Variants in NKAIN2 observed in about 807,000 individuals in gnomAD.
NKAIN2 encodes sodium/potassium-transporting ATPase subunit beta-1-interacting protein 2.
Under a neutral mutation model 32.6 loss-of-function variants are expected in NKAIN2, and 14 were observed. The ratio of observed to expected loss-of-function variants is 0.43; its 90% CI spans 0.28 to 0.67. The LOEUF is 0.67. Ranked by LOEUF, NKAIN2 falls within the 30% of genes least tolerant of loss-of-function variation. The pLI is 0.17. For synonymous variants in NKAIN2, 80 were observed against 87.2 expected (o/e 0.92, Z 0.46); for missense variants, 198 against 258.3 (o/e 0.77, Z 1.60).
chr6:124,138,189 A>T (rs1269168948), intron 1 of NKAIN2, among the ~76,000 whole-genome samples: 1 of 152,190 alleles, frequency 6.6e-6, no homozygotes, highest in South Asian at 2.1e-4. Flanking sequence ...GTGAATAGAC[A>T]GTTCTCAAAA....
At chr6:123,930,264 G>T (rs1404855287) in intron 1 of NKAIN2, among the ~76,000 whole-genome samples, 8 of 152,096 alleles carry the variant, frequency 5.3e-5, no homozygotes. Flanking sequence ...TCCATTTTCA[G>T]CTAGAGTTGT....
At chr6:124,311,592 C>T (rs527897070) in intron 2 of NKAIN2, among the ~76,000 whole-genome samples, 138 of 152,036 alleles carry the variant, frequency 9.1e-4, no homozygotes, top group Non-Finnish European at 1.5e-3. Context: ...TATGTGAAAA[C>T]AAATGTAAGC....
chr6:124,633,779 C>A (rs138790916), intron 3 of NKAIN2, among the ~76,000 whole-genome samples: 1 of 152,176 alleles, frequency 6.6e-6, no homozygotes, highest in Non-Finnish European at 1.5e-5. Context: ...ACTGATGGCA[C>A]CTAGAGCCCG....
intron 1 of NKAIN2, among the ~76,000 whole-genome samples, chr6:124,204,304 T>C (rs2114635843): frequency 6.6e-6 from 1 of 151,896 alleles, no homozygotes; most frequent in African/African-American, 2.4e-5. Flanking sequence ...AGGAATAAAT[T>C]AGACAAAGAT....
intron 1 of NKAIN2, among the ~76,000 whole-genome samples, chr6:124,039,066 T>C (rs1485305177): frequency 1.3e-5 from 2 of 152,126 alleles, no homozygotes; most frequent in African/African-American, 4.8e-5. Flanking sequence ...TTACATAGGA[T>C]CTTTTTAACA....
At chr6:123,880,202 A>G (rs1773384688) in intron 1 of NKAIN2, among the ~76,000 whole-genome samples, 1 of 152,146 alleles carries the variant, frequency 6.6e-6, no homozygotes, top group Admixed American at 6.5e-5. Flanking sequence ...TAAAGCAGGA[A>G]AGTAGGGATC....
chr6:124,135,135 T>C (rs1582711287), intron 1 of NKAIN2, among the ~76,000 whole-genome samples: 1 of 151,912 alleles, frequency 6.6e-6, no homozygotes, highest in Admixed American at 6.6e-5. Flanking sequence ...GTTCTAAATC[T>C]TGAAACAAAA....
At chr6:124,077,613 T>C (rs1783753249) in intron 1 of NKAIN2, among the ~76,000 whole-genome samples, 1 of 152,176 alleles carries the variant, frequency 6.6e-6, no homozygotes, top group African/African-American at 2.4e-5. Context: ...TGAATTGCCA[T>C]ATGCCAAATT....
At chr6:124,393,817 T>C (rs941595531) in intron 3 of NKAIN2, among the ~76,000 whole-genome samples, 1 of 152,194 alleles carries the variant, frequency 6.6e-6, no homozygotes, top group Non-Finnish European at 1.5e-5. Context: ...GCATGCGCAT[T>C]ATATGCCACT....
chr6:124,075,589 C>CTTTA (rs1160430734), intron 1 of NKAIN2, among the ~76,000 whole-genome samples: 41 of 152,004 alleles, frequency 2.7e-4, no homozygotes, highest in African/African-American at 5.8e-4. Context: ...AAGTATGTTA[C>CTTTA]TTTATTTATT....
At chr6:123,990,531 C>T (rs1420820966) in intron 1 of NKAIN2, among the ~76,000 whole-genome samples, 1 of 152,186 alleles carries the variant, frequency 6.6e-6, no homozygotes, top group Admixed American at 6.5e-5. Context: ...CACGAAACCA[C>T]TGGCTTTTCC....
chr6:123,814,812 C>T (rs1773623923), intron 1 of NKAIN2, among the ~76,000 whole-genome samples: 1 of 152,166 alleles, frequency 6.6e-6, no homozygotes, highest in South Asian at 2.1e-4. Flanking sequence ...TAAAAATTTA[C>T]ATGCAATGGA....
At chr6:124,590,135 T>C (rs1781857104) in intron 3 of NKAIN2, among the ~76,000 whole-genome samples, 1 of 152,194 alleles carries the variant, frequency 6.6e-6, no homozygotes, top group African/African-American at 2.4e-5. Context: ...AAGAGCAAGC[T>C]AGTCACTAAT....
intron 1 of NKAIN2, among the ~76,000 whole-genome samples, chr6:123,893,293 T>A (rs1025693240): frequency 5.9e-5 from 9 of 152,204 alleles, no homozygotes; most frequent in Non-Finnish European, 1.3e-4. Context: ...CTTGAATTGC[T>A]GGACTCACAT....
At chr6:123,926,494 C>G (rs1776010542) in intron 1 of NKAIN2, among the ~76,000 whole-genome samples, 12 of 152,074 alleles carry the variant, frequency 7.9e-5, no homozygotes, top group Admixed American at 5.9e-4. Flanking sequence ...TCCCCAGATT[C>G]CTACTGCAGT....
At chr6:124,289,940 T>C (rs897821154) in intron 2 of NKAIN2, among the ~76,000 whole-genome samples, 1 of 152,088 alleles carries the variant, frequency 6.6e-6, no homozygotes, top group African/African-American at 2.4e-5. Context: ...AGAAAATCAA[T>C]GTAGATTAGA....
intron 3 of NKAIN2, among the ~76,000 whole-genome samples, chr6:124,431,947 C>A (rs1442327967): frequency 6.6e-6 from 1 of 151,946 alleles, no homozygotes; most frequent in East Asian, 1.9e-4. Context: ...TCTGTAAAGG[C>A]CAGAATCGTT....
At chr6:123,883,496 C>A (rs1773555939) in intron 1 of NKAIN2, among the ~76,000 whole-genome samples, 2 of 151,920 alleles carry the variant, frequency 1.3e-5, no homozygotes, top group African/African-American at 4.8e-5. Context: ...AGCGCCTCTT[C>A]CTTCTCTCTC....
At chr6:123,899,418 A>G (rs1479489428) in intron 1 of NKAIN2, among the ~76,000 whole-genome samples, 2 of 149,842 alleles carry the variant, frequency 1.3e-5, no homozygotes, top group Non-Finnish European at 3.0e-5. Flanking sequence ...TCCTCCCTCT[A>G]TTTTTTTCTT....
Sources: allele counts gnomAD v4.1 joint callset (sites outside exome capture counted in the v4.1 genomes callset), GRCh38; gene constraint gnomAD v4.1.1; transcripts MANE v1.5; gene names NCBI Gene and HGNC (gene_info 2026-07-23, HGNC 2026-07-21).